The following SPRR2F variants were observed in gnomAD, a reference collection of about 807,000 sequenced individuals.
The protein encoded by SPRR2F is small proline-rich protein 2F.
In SPRR2F, 2 loss-of-function variants were observed where a neutral mutation model predicts 0.8. The observed-to-expected ratio is 2.52, with a 90% confidence interval of 1.03 to 7.95. SPRR2F has a LOEUF of 7.95. SPRR2F is among the 30% of genes most tolerant of loss of function. The probability of loss-of-function intolerance (pLI) is 0.04; values close to 1 mark genes in which losing one functional copy is unlikely to be tolerated. For missense variants in SPRR2F, 80 were observed against 85.8 expected, an observed-to-expected ratio of 0.93 and a Z score of 0.27; for synonymous variants, 39 against 33.4, an observed-to-expected ratio of 1.17 and a Z score of -0.58.
At position 153,112,444 on chromosome 1, in the gene SPRR2F, C is replaced by A. The variant is rs921501092; in HGVS notation, c.*71G>T. On this transcript the variant is annotated 3_prime_UTR_variant, in exon 2 of 2. Coordinates refer to ENST00000468739, the MANE Select transcript of SPRR2F (RefSeq NM_001014450.3). ...CCTGGATGGCTTTGATGAGAAGATG[C>A]AGGTGGAGCTGTGGAACGAGGTGAG... The A allele has an allele frequency of 1.9e-5, 29 of 1,554,020 alleles. 1 individual carries two copies. The highest frequency in any genetic ancestry group is 2.4e-4 in the Middle Eastern group (1 of 4,170).
chr1:153,119,184 A>C, the SPRR2F span, among the ~76,000 whole-genome samples: 1 of 152,234 alleles, frequency 6.6e-6, no homozygotes, highest in African/African-American at 2.4e-5. Context: ...GAAGAAATGA[A>C]GGACAAACAA....
upstream of SPRR2F, among the ~76,000 whole-genome samples, chr1:153,115,268 A>G (rs1238094467): frequency 8.5e-5 from 13 of 152,206 alleles, no homozygotes; most frequent in Non-Finnish European, 1.5e-5. Context: ...GGGACAAAGT[A>G]AAGGGCCTTT....
chr1:153,117,099 C>T (rs977018138), upstream of SPRR2F, among the ~76,000 whole-genome samples: 4 of 151,898 alleles, frequency 2.6e-5, no homozygotes, highest in African/African-American at 4.8e-5. Flanking sequence ...TTTGCTTTAT[C>T]TTTAAGATAT....
chr1:153,114,275 C>G (rs1225870441), upstream of SPRR2F, among the ~76,000 whole-genome samples: 1 of 152,050 alleles, frequency 6.6e-6, no homozygotes, highest in East Asian at 1.9e-4. Flanking sequence ...GGGACAGATT[C>G]CAGAGTGACA....
chr1:153,114,128 A>G (rs987371563), upstream of SPRR2F, among the ~76,000 whole-genome samples: 2 of 148,140 alleles, frequency 1.4e-5, no homozygotes, highest in Non-Finnish European at 3.0e-5. Flanking sequence ...GCATTGTGCC[A>G]TCTGCTGACC....
In SPRR2F at chr1:153,112,525, T is replaced by C. The variant is rs1170032179; in HGVS notation, c.209A>G (p.Lys70Arg). ...SPPCQPKCPP[K>R]SK is the part of the protein sequence containing the mutation. ...TGAATCCTGAAGCTGTTACTTGCTC[T>C]TGGGTGGACACTTTGGCTGGCAGGG... Residue 70 changes from lysine to arginine, a missense_variant, in exon 2 of 2, where the codon AAG becomes AGG. By Grantham distance (26) the Lys-to-Arg change is conservative. Coordinates refer to ENST00000468739, the MANE Select transcript of SPRR2F (RefSeq NM_001014450.3). 1.2e-6 allele frequency: 2 copies of C among 1,612,322 alleles called. No homozygotes were observed. Among genetic ancestry groups the C allele is most frequent in the Admixed American group, 3.3e-5 (2 of 59,994 alleles).
upstream of SPRR2F, among the ~76,000 whole-genome samples, chr1:153,118,036 A>C (rs146305335): frequency 6.4e-4 from 98 of 152,242 alleles, 1 homozygote; most frequent in East Asian, 7.5e-3. Flanking sequence ...AGCATCCATC[A>C]TCATGACTCC....
chr1:153,118,276 T>C (rs941571583), upstream of SPRR2F, among the ~76,000 whole-genome samples: 1 of 152,178 alleles, frequency 6.6e-6, no homozygotes, highest in Non-Finnish European at 1.5e-5. Flanking sequence ...GAATTTTAAA[T>C]GCAAATTGAT....
upstream of SPRR2F, among the ~76,000 whole-genome samples, chr1:153,118,417 G>A (rs776682718): frequency 6.6e-6 from 1 of 152,154 alleles, no homozygotes; most frequent in Non-Finnish European, 1.5e-5. Flanking sequence ...AGAGCCACAC[G>A]GAGGCACATT....
chr1:153,112,755 G>C lies in SPRR2F; in HGVS notation c.-19-3C>G, dbSNP rs139427971. On this transcript the variant is annotated splice_polypyrimidine_tract_variant and splice_region_variant and intron_variant, in intron 1 of 1. Transcript: ENST00000468739. ...ACATCCTGCTGGAGTCTCAGAATCT[G>C]AAAGAAATTATATGACAGTGTTCAC... 143 of 1,610,912 alleles carry C rather than the reference G, an allele frequency of 8.9e-5. No homozygotes were observed. In the East Asian group the frequency reaches 1.7e-3, roughly 20 times the overall value.
upstream of SPRR2F, among the ~76,000 whole-genome samples, chr1:153,116,875 G>A (rs1408491316): frequency 8.6e-5 from 13 of 152,036 alleles, no homozygotes; most frequent in Admixed American, 6.6e-5. Context: ...ATTAAGACAG[G>A]TGGTAAGGAT....
At chr1:153,114,781 C>T (rs1343469359), upstream of SPRR2F, among the ~76,000 whole-genome samples, 1 of 152,144 alleles carries the variant, frequency 6.6e-6, no homozygotes, top group African/African-American at 2.4e-5. Flanking sequence ...GTTCACTCAA[C>T]ATATATATTG....
At chr1:153,115,157 A>C (rs1655698357), upstream of SPRR2F, among the ~76,000 whole-genome samples, 1 of 151,256 alleles carries the variant, frequency 6.6e-6, no homozygotes, top group Non-Finnish European at 1.5e-5. Context: ...AGGACAGTAC[A>C]GAAATAAAGA....
Position 153,112,634 on chromosome 1 carries a change from C to T in SPRR2F, c.100G>A (p.Glu34Lys). Residue 34 changes from glutamate to lysine, a missense_variant, in exon 2 of 2, where the codon GAG (glutamate) becomes AAG (lysine). By Grantham distance (56) the Glu-to-Lys change is moderately conservative (BLOSUM62 1). Coordinates refer to ENST00000468739, the MANE Select transcript of SPRR2F (RefSeq NM_001014450.3). ...GGACACTTTGATGGTGGGCAGGGCT[C>T]AGGGCACTTCGGGGGTGGACATGGC... ...PEPCPPPKCP[E>K]PCPPSKCPQS... is the part of the protein sequence containing the mutation. 1 of 1,612,590 alleles carries T rather than the reference C, an allele frequency of 6.2e-7. No homozygotes were observed. The highest frequency in any genetic ancestry group is 8.5e-7 in the Non-Finnish European group (1 of 1,179,842).
Position 153,112,344 on chromosome 1 carries a change from A to G in SPRR2F, c.*171T>C, listed in dbSNP as rs1383799431. 52 of 1,308,476 alleles carry G rather than the reference A, an allele frequency of 4.0e-5. 1 individual carries two copies. Among genetic ancestry groups the G allele is most frequent in the Middle Eastern group, 2.7e-4 (1 of 3,642 alleles). 81.1% of individuals were successfully genotyped at this position (1,308,476 alleles called of 1,614,324 possible). The stretch of plus-strand genomic sequence containing the variant: ...GGACAGTGGCAGTATGGCAGCCTCA[A>G]AAAGAAAACCTTTTGCTATCAGAGA... On this transcript the variant is annotated 3_prime_UTR_variant, in exon 2 of 2. Transcript: ENST00000468739.
At chr1:153,114,975 G>A (rs561177851), upstream of SPRR2F, among the ~76,000 whole-genome samples, 8 of 152,266 alleles carry the variant, frequency 5.3e-5, no homozygotes, top group East Asian at 1.5e-3. Flanking sequence ...AAATGAGGAA[G>A]AGGAAGAGGA....
chr1:153,112,601 A>G lies in SPRR2F; in HGVS notation c.133T>C (p.Cys45Arg). ...TTCTGCTGGCACTGCTGAGGTGGGCAGGACTGTGGACACTTTGATGGTGGG... is the reference window on the plus strand; with the variant it reads ...TTCTGCTGGCACTGCTGAGGTGGGCGGGACTGTGGACACTTTGATGGTGGG... ...PCPPSKCPQS[C>R]PPQQCQQKCP... Residue 45 changes from cysteine to arginine, a missense_variant, in exon 2 of 2, where the codon TGC becomes CGC. Physicochemically the swap from Cys to Arg is radical, Grantham distance 180. Coordinates refer to ENST00000468739, the MANE Select transcript of SPRR2F (RefSeq NM_001014450.3). 2 of 1,612,870 alleles carry G rather than the reference A, an allele frequency of 1.2e-6. No homozygotes were observed. The highest frequency in any genetic ancestry group is 1.7e-6 in the Non-Finnish European group (2 of 1,179,826).
chr1:153,112,441 A>T lies in SPRR2F; in HGVS notation c.*74T>A. 2 of 1,553,400 alleles carry T rather than the reference A, an allele frequency of 1.3e-6. No homozygotes were observed. Among genetic ancestry groups the T allele is most frequent in the Admixed American group, 3.7e-5 (2 of 54,204 alleles). On this transcript the variant is annotated 3_prime_UTR_variant, in exon 2 of 2. Transcript: ENST00000468739. ...ATCCCTGGATGGCTTTGATGAGAAG[A>T]TGCAGGTGGAGCTGTGGAACGAGGT...
chr1:153,112,899 C>T (rs1655634172), intron 1 of SPRR2F, 147 bp from the exon 2 acceptor site: 1 of 1,322,082 alleles, frequency 7.6e-7, no homozygotes, highest in Non-Finnish European at 1.0e-6. Context: ...TCCCTGGCTT[C>T]TCACTTCCAC....
Sources: allele counts gnomAD v4.1 joint callset (sites outside exome capture counted in the v4.1 genomes callset), GRCh38; gene constraint gnomAD v4.1.1; transcripts MANE v1.5; gene names NCBI Gene and HGNC (gene_info 2026-07-23, HGNC 2026-07-21).